SLC8A1: variants seen among roughly 807,000 people sequenced by gnomAD.
SLC8A1 encodes the protein solute carrier family 8 member A1.
In SLC8A1, 18 loss-of-function variants were observed where a neutral mutation model predicts 68.3. The ratio of observed to expected loss-of-function variants is 0.26; its 90% CI spans 0.18 to 0.39. The LOEUF (loss-of-function observed/expected upper bound fraction) is 0.39. Ranked by LOEUF, SLC8A1 falls within the 10% of genes least tolerant of loss-of-function variation. SLC8A1 has a pLI of 1.00. For missense variants in SLC8A1, 985 were observed against 1,156.7 expected, an observed-to-expected ratio of 0.85 and a Z score of 2.15; for synonymous variants, 475 against 415.5, an observed-to-expected ratio of 1.14 and a Z score of -1.74.
chr2:40,404,867 G>C (rs749847363), intron 2 of SLC8A1, among the ~76,000 whole-genome samples: 7 of 152,058 alleles, frequency 4.6e-5, no homozygotes, highest in Non-Finnish European at 1.0e-4. Context: ...TTGTTTTATA[G>C]ACAAGCTACA....
chr2:40,216,781 G>C (rs2057558145), intron 2 of SLC8A1, among the ~76,000 whole-genome samples: 1 of 152,012 alleles, frequency 6.6e-6, no homozygotes, highest in Admixed American at 6.6e-5. Context: ...TCATATTTTT[G>C]TTGGCTGCAT....
At chr2:40,152,001 G>A (rs1247291202) in intron 6 of SLC8A1, among the ~76,000 whole-genome samples, 3 of 152,158 alleles carry the variant, frequency 2.0e-5, no homozygotes, top group Non-Finnish European at 4.4e-5. Flanking sequence ...AATGGCTATT[G>A]AATTCACTTA....
chr2:40,449,920 A>G (rs566980253), intron 1 of SLC8A1, among the ~76,000 whole-genome samples: 1 of 152,328 alleles, frequency 6.6e-6, no homozygotes, highest in East Asian at 1.9e-4. Flanking sequence ...AACCATTTTA[A>G]GGGGACAAAA....
At chr2:40,281,025 T>C (rs13383126) in intron 2 of SLC8A1, among the ~76,000 whole-genome samples, 5,191 of 152,292 alleles carry the variant, frequency 0.034, 209 homozygotes, top group South Asian at 0.088. Flanking sequence ...TGATACATCT[T>C]TGTACCTCCC....
intron 7 of SLC8A1, among the ~76,000 whole-genome samples, chr2:40,128,791 A>AAT (rs2038704425): frequency 6.6e-6 from 1 of 152,234 alleles, no homozygotes; most frequent in African/African-American, 2.4e-5. Context: ...GTAATTTACA[A>AAT]ATATATAGAG....
chr2:40,471,634 A>T (rs1703995116), intron 1 of SLC8A1, among the ~76,000 whole-genome samples: 1 of 152,190 alleles, frequency 6.6e-6, no homozygotes, highest in African/African-American at 2.4e-5. Flanking sequence ...CCCTCATTAA[A>T]ATAAGAAGTT....
intron 7 of SLC8A1, 63 bp downstream of exon 10, chr2:40,139,338 A>C: frequency 6.4e-7 from 1 of 1,566,994 alleles, no homozygotes; most frequent in Non-Finnish European, 8.7e-7. Flanking sequence ...GTAGGAAAGA[A>C]AGTGTCAAGA....
intron 2 of SLC8A1, among the ~76,000 whole-genome samples, chr2:40,287,510 T>C (rs975224116): frequency 6.6e-6 from 1 of 151,498 alleles, no homozygotes; most frequent in Admixed American, 6.6e-5. Context: ...ATGCCAGACA[T>C]ACACCTGCCC....
In SLC8A1 at chr2:40,430,309, TA is replaced by T; in HGVS notation, c.-24-6del. 6.4e-7 allele frequency: 1 copy of T among 1,573,294 alleles called. No homozygotes were observed. Among genetic ancestry groups the T allele is most frequent in the Non-Finnish European group, 8.6e-7 (1 of 1,161,418 alleles). ...ACTTCCAACTGTCACAACCTACTGG[TA>T]AAAATAAGATGGGGGAGAGGGCAGA... On this transcript the variant is annotated splice_region_variant and splice_polypyrimidine_tract_variant and intron_variant, in intron 1 of 7. Transcript: ENST00000406785.
chr2:40,356,189 CT>C (rs1672609906), intron 2 of SLC8A1, among the ~76,000 whole-genome samples: 2 of 152,280 alleles, frequency 1.3e-5, no homozygotes, highest in African/African-American at 4.8e-5. Flanking sequence ...AAACATTACC[CT>C]TATATTCCTA....
chr2:40,206,683 G>C (rs1349609182), intron 2 of SLC8A1, among the ~76,000 whole-genome samples: 1 of 151,870 alleles, frequency 6.6e-6, no homozygotes, highest in Non-Finnish European at 1.5e-5. Flanking sequence ...CTTTAGGCCT[G>C]GGAACAAAAT....
intron 2 of SLC8A1, among the ~76,000 whole-genome samples, chr2:40,220,710 C>G (rs1362663515): frequency 1.4e-5 from 2 of 143,224 alleles, no homozygotes; most frequent in Non-Finnish European, 2.9e-5. Flanking sequence ...GCTTGGAGCT[C>G]TCTCTATTTG....
At chr2:40,151,855 T>C (rs886935120) in intron 6 of SLC8A1, among the ~76,000 whole-genome samples, 2 of 152,210 alleles carry the variant, frequency 1.3e-5, no homozygotes, top group African/African-American at 2.4e-5. Context: ...GATAAAGTAC[T>C]AGTTTTCAAA....
chr2:40,436,457 T>G (rs1235020203), intron 1 of SLC8A1, among the ~76,000 whole-genome samples: 1 of 152,122 alleles, frequency 6.6e-6, no homozygotes, highest in Admixed American at 6.5e-5. Context: ...TTCAGACTCA[T>G]GAGCAAAGAC....
chr2:40,186,622 A>C (rs917672976), intron 2 of SLC8A1, among the ~76,000 whole-genome samples: 1 of 152,170 alleles, frequency 6.6e-6, no homozygotes, highest in Non-Finnish European at 1.5e-5. Flanking sequence ...TAGTCATAAA[A>C]ACAGGACTGA....
chr2:40,102,784 A>C (rs1383999116), exon 8 of SLC8A1: 1 of 152,242 alleles, frequency 6.6e-6, no homozygotes, highest in Admixed American at 6.5e-5. Flanking sequence ...TGCCTTCTCA[A>C]TTTAGTATTT....
At chr2:40,198,949 AAG>A (rs1491573347) in intron 2 of SLC8A1, among the ~76,000 whole-genome samples, 2 of 151,658 alleles carry the variant, frequency 1.3e-5, no homozygotes, top group Non-Finnish European at 1.5e-5. Context: ...AAAAAAAAAA[AAG>A]AAGTTGAACT....
At chr2:40,311,401 A>T (rs1186684772) in intron 2 of SLC8A1, among the ~76,000 whole-genome samples, 2 of 151,036 alleles carry the variant, frequency 1.3e-5, no homozygotes, top group African/African-American at 2.4e-5. Context: ...AATAAATTTT[A>T]AAAATAGCCT....
chr2:40,217,376 G>A (rs1164279713), intron 2 of SLC8A1, among the ~76,000 whole-genome samples: 2 of 152,148 alleles, frequency 1.3e-5, no homozygotes, highest in African/African-American at 4.8e-5. Context: ...GTACCATGCT[G>A]TTTTGATTAC....
Sources: allele counts gnomAD v4.1 joint callset (sites outside exome capture counted in the v4.1 genomes callset), GRCh38; gene constraint gnomAD v4.1.1; transcripts MANE v1.5; gene names NCBI Gene and HGNC (gene_info 2026-07-23, HGNC 2026-07-21).